Variants in MYO9B observed in about 807,000 individuals in gnomAD.
MYO9B encodes the protein unconventional myosin-IXb.
MYO9B carries 71 observed loss-of-function variants against 229.5 expected under a neutral mutation model. The ratio of observed to expected loss-of-function variants is 0.31; its 90% confidence interval spans 0.26 to 0.38. The LOEUF (loss-of-function observed/expected upper bound fraction) is 0.38. Among genes scored for constraint, MYO9B ranks in the 10% least tolerant of loss-of-function variants. The probability of loss-of-function intolerance (pLI) is 1.00; values close to 1 mark genes in which losing one functional copy is unlikely to be tolerated. For missense variants in MYO9B, 2,255 were observed against 2,920.5 expected (o/e 0.77, Z 5.25); for synonymous variants, 1,185 against 1,235.8 (o/e 0.96, Z 0.86).
chr19:17,078,489 A>G (rs932236159), intron 1 of MYO9B, among the ~76,000 whole-genome samples: 1 of 152,124 alleles, frequency 6.6e-6, no homozygotes, highest in Non-Finnish European at 1.5e-5. Context: ...GCAGCCAGCC[A>G]AGATTGCGCC....
At chr19:17,173,684 A>T (rs1171988624) in intron 13 of MYO9B, among the ~76,000 whole-genome samples, 1 of 152,104 alleles carries the variant, frequency 6.6e-6, no homozygotes, top group Non-Finnish European at 1.5e-5. Context: ...TCCTAGACAG[A>T]GATGGTTTGA....
At chr19:17,080,108 C>T (rs2057521287) in intron 1 of MYO9B, among the ~76,000 whole-genome samples, 1 of 152,176 alleles carries the variant, frequency 6.6e-6, no homozygotes, top group South Asian at 2.1e-4. Flanking sequence ...GGGTTCAGCC[C>T]ATGGGTTCGT....
rs368931027 is a variant in MYO9B at position 17,102,396 on chromosome 19, C to G, written c.679C>G (p.Leu227Val). The change falls in exon 2 of 40, where the codon CTC becomes GTC. Residue 227 changes from leucine (L) to valine (V), a missense_variant. Physicochemically the swap from Leu to Val is conservative, Grantham distance 32. Around this residue, in one of 7 missense-constraint regions of MYO9B, gnomAD observed 386 missense variants for 515.2 expected, o/e 0.75. Coordinates refer to ENST00000682292, the MANE Select transcript of MYO9B (RefSeq NM_004145.4). ...ALADVAYYTMLRKRVNQCIVI... is the reference protein window; with the variant it reads ...ALADVAYYTMVRKRVNQCIVI... ...GGCCGACGTGGCCTACTACACCATG[C>G]TCAGGAAGCGCGTGAACCAGTGCAT... 6.2e-7 allele frequency: 1 copy of G among 1,613,906 alleles called. No individual in the cohort carries two copies. The highest frequency in any genetic ancestry group is 8.5e-7 in the Non-Finnish European group (1 of 1,179,910).
At chr19:17,144,320 C>T (rs928736844) in intron 2 of MYO9B, among the ~76,000 whole-genome samples, 1 of 151,890 alleles carries the variant, frequency 6.6e-6, no homozygotes, top group African/African-American at 2.4e-5. Context: ...TTAAATAAAC[C>T]GAGTCTGGGC....
At chr19:17,204,034 C>T (rs776742608) in intron 30 of MYO9B, among the ~76,000 whole-genome samples, 3 of 152,044 alleles carry the variant, frequency 2.0e-5, no homozygotes, top group Non-Finnish European at 4.4e-5. Flanking sequence ...AAGAGGGCCT[C>T]TCCTACATGT....
chr19:17,104,186 T>C (rs2145042568), intron 2 of MYO9B, among the ~76,000 whole-genome samples: 1 of 152,170 alleles, frequency 6.6e-6, no homozygotes, highest in East Asian at 1.9e-4. Context: ...CAACGGGACA[T>C]TTCTAGGGGG....
chr19:17,126,938 C>A (rs2072127841), intron 2 of MYO9B, among the ~76,000 whole-genome samples: 1 of 126,174 alleles, frequency 7.9e-6, no homozygotes, highest in Non-Finnish European at 1.7e-5. Flanking sequence ...CCACCCCCGG[C>A]CTTCCAAAGT....
chr19:17,186,079 C>A (rs970591813), intron 18 of MYO9B, 78 bp downstream of exon 18: 25 of 1,307,310 alleles, frequency 1.9e-5, no homozygotes, highest in Non-Finnish European at 2.6e-5. Context: ...GCATCCAGCC[C>A]CAGCCTCCAC....
chr19:17,196,585 A>T (rs976481696), intron 22 of MYO9B, among the ~76,000 whole-genome samples: 1 of 151,976 alleles, frequency 6.6e-6, no homozygotes, highest in African/African-American at 2.4e-5. Context: ...TGGGAGGCTG[A>T]GACAGGAGAA....
At chr19:17,179,316 C>T (rs2072828141) in intron 14 of MYO9B, among the ~76,000 whole-genome samples, 1 of 151,892 alleles carries the variant, frequency 6.6e-6, no homozygotes, top group African/African-American at 2.4e-5. Flanking sequence ...CTTAATGAAG[C>T]CAACAAGGAG....
intron 30 of MYO9B, among the ~76,000 whole-genome samples, chr19:17,203,544 C>T (rs549656330): frequency 2.0e-5 from 3 of 149,630 alleles, no homozygotes; most frequent in Admixed American, 6.8e-5. Context: ...ACCTGGGAGG[C>T]GAAGGTTGCA....
chr19:17,110,210 T>C (rs2057834504), intron 2 of MYO9B, among the ~76,000 whole-genome samples: 1 of 152,138 alleles, frequency 6.6e-6, no homozygotes, highest in South Asian at 2.1e-4. Context: ...GCAGCCTCGC[T>C]GTGTAATGCT....
intron 2 of MYO9B, among the ~76,000 whole-genome samples, chr19:17,107,614 T>C (rs73519666): frequency 0.013 from 1,952 of 152,252 alleles, 48 homozygotes; most frequent in African/African-American, 0.045. Flanking sequence ...CCGCACTCCC[T>C]CCCGGCTCTG....
Position 17,114,924 on chromosome 19 carries a change from CTTTT to C in MYO9B, c.840+12382_840+12385del, listed in dbSNP as rs139596465. Among the ~76,000 whole-genome samples, 399 of 137,640 alleles carry C rather than the reference CTTTT, an allele frequency of 2.9e-3. 4 individuals carry two copies. Among genetic ancestry groups the C allele is most frequent in the Middle Eastern group, 0.011 (3 of 266 alleles). The allele number at this position is 137,640 out of a possible 152,430, so 90.3% of individuals were successfully genotyped here. A position where few individuals can be genotyped will look rare whatever the true frequency, so the allele number is the denominator to read the frequency against. On this transcript the variant is annotated intron_variant, in intron 2 of 39. Transcript: ENST00000682292. ...TTTGGTTCCCCCAGTTGCTTTTCCC[CTTTT>C]TTTTTTTTTTTTTTAATAAAACACT...
At chr19:17,145,953 T>TG (rs1555697714) in intron 3 of MYO9B, among the ~76,000 whole-genome samples, 2 of 148,988 alleles carry the variant, frequency 1.3e-5, no homozygotes, top group Non-Finnish European at 3.0e-5. Context: ...GATGGATGGA[T>TG]GATGGATGGA....
At chr19:17,162,835 A>G (rs952920790) in intron 9 of MYO9B, among the ~76,000 whole-genome samples, 153 bp from the exon 10 acceptor site, 7 of 152,108 alleles carry the variant, frequency 4.6e-5, no homozygotes, top group African/African-American at 1.7e-4. Flanking sequence ...AAAAAAAATT[A>G]TGGATTCCAT....
intron 2 of MYO9B, among the ~76,000 whole-genome samples, chr19:17,119,878 A>G (rs1173126812): frequency 6.6e-6 from 1 of 152,090 alleles, no homozygotes; most frequent in Admixed American, 6.6e-5. Flanking sequence ...TCGATCTCCT[A>G]ACCTCATGAT....
chr19:17,168,085 C>G, intron 11 of MYO9B, 21 bp downstream of exon 11: 1 of 1,610,178 alleles, frequency 6.2e-7, no homozygotes, highest in Non-Finnish European at 8.5e-7. Context: ...ACACCCCGTC[C>G]ATCCCGGCAC....
chr19:17,154,635 A>T (rs1335532506), intron 6 of MYO9B, among the ~76,000 whole-genome samples: 1 of 152,304 alleles, frequency 6.6e-6, no homozygotes, highest in South Asian at 2.1e-4. Context: ...TAACGTGAAC[A>T]TACTTAACAC....
Sources: allele counts gnomAD v4.1 joint callset (sites outside exome capture counted in the v4.1 genomes callset), GRCh38; gene constraint gnomAD v4.1.1; regional missense constraint gnomAD v4.1.1; transcripts MANE v1.5; gene names NCBI Gene and HGNC (gene_info 2026-07-23, HGNC 2026-07-21).